KYAT3: variants seen among roughly 807,000 people sequenced by gnomAD.
KYAT3 encodes the protein kynurenine aminotransferase 3.
In KYAT3, 50 loss-of-function variants were observed where a neutral mutation model predicts 59.0. The ratio of observed to expected loss-of-function variants is 0.85; its 90% CI spans 0.68 to 1.07. The LOEUF is 1.07. KYAT3 is among the 50% of genes least tolerant of loss of function. The pLI is 0.00. For missense variants in KYAT3, 497 were observed against 533.3 expected, an observed-to-expected ratio of 0.93 and a Z score of 0.67; for synonymous variants, 148 against 177.0, an observed-to-expected ratio of 0.84 and a Z score of 1.30.
chr1:88,961,101 T>G, intron 8 of KYAT3, 66 bp downstream of exon 8: 1 of 1,569,690 alleles, frequency 6.4e-7, no homozygotes, highest in Non-Finnish European at 8.7e-7. Context: ...TGGGATGCTT[T>G]CCAATCAGTT....
At chr1:88,980,608 T>C (rs1187430611) in intron 2 of KYAT3, 2 of 152,626 alleles carry the variant, frequency 1.3e-5, no homozygotes, top group African/African-American at 4.8e-5. Flanking sequence ...TCTGATTCTT[T>C]TTCCACACGT....
At chr1:88,935,520 G>A (rs1022518510), downstream of KYAT3, among the ~76,000 whole-genome samples, 12 of 152,274 alleles carry the variant, frequency 7.9e-5, 1 homozygote, top group African/African-American at 2.9e-4. Context: ...CCAAGGCAGC[G>A]GTGGCTGAAG....
intron 9 of KYAT3, among the ~76,000 whole-genome samples, 158 bp from the exon 10 acceptor site, chr1:88,953,310 C>T (rs1322816452): frequency 1.3e-5 from 2 of 151,914 alleles, no homozygotes; most frequent in African/African-American, 2.4e-5. Flanking sequence ...TTTGGGAAGC[C>T]GAGGTGGGTG....
chr1:88,936,844 CT>C (rs1220787095), intron 13 of KYAT3, among the ~76,000 whole-genome samples: 1 of 152,178 alleles, frequency 6.6e-6, no homozygotes, highest in African/African-American at 2.4e-5. Context: ...TTCTCTACTT[CT>C]TTTTCTTTGT....
intron 13 of KYAT3, among the ~76,000 whole-genome samples, chr1:88,938,690 C>A (rs1449398882): frequency 6.6e-6 from 1 of 152,178 alleles, no homozygotes; most frequent in East Asian, 1.9e-4. Flanking sequence ...TCCAGCTCCA[C>A]CCATGTTCCT....
the KYAT3 span, among the ~76,000 whole-genome samples, chr1:88,925,020 C>T: frequency 2.0e-5 from 3 of 152,168 alleles, no homozygotes; most frequent in Non-Finnish European, 1.5e-5. Context: ...GAGCAAGGAC[C>T]CCAGGTAACA....
At position 88,936,246 on chromosome 1, in the gene KYAT3, C is replaced by T. The variant is rs770179140; in HGVS notation, c.1303-1G>A. ...CAGCAGCATCCAGTGTGCTGTCTTT[C>T]TGTAAATTAATGAAATAATCATCAT... On this transcript the variant is annotated splice_acceptor_variant, in intron 13 of 13. Coordinates refer to ENST00000260508, the MANE Select transcript of KYAT3 (RefSeq NM_001008661.3). LOFTEE classifies it high-confidence loss of function. The T allele has an allele frequency of 6.3e-7, 1 of 1,599,222 alleles. No homozygotes were observed. Among genetic ancestry groups the T allele is most frequent in the South Asian group, 1.1e-5 (1 of 90,462 alleles).
At chr1:88,956,387 T>C (rs965234703) in intron 8 of KYAT3, among the ~76,000 whole-genome samples, 6 of 152,334 alleles carry the variant, frequency 3.9e-5, no homozygotes, top group Admixed American at 2.0e-4. Flanking sequence ...GGCTGTATAA[T>C]GGTTTTCAAG....
chr1:88,972,775 G>C (rs1362863196), intron 2 of KYAT3, among the ~76,000 whole-genome samples: 9 of 152,184 alleles, frequency 5.9e-5, no homozygotes, highest in Non-Finnish European at 2.9e-5. Context: ...TTATTGGGCA[G>C]AGCAATTTCA....
chr1:88,963,928 C>T (rs772025351), intron 5 of KYAT3, among the ~76,000 whole-genome samples: 2 of 152,182 alleles, frequency 1.3e-5, no homozygotes, highest in Admixed American at 6.5e-5. Context: ...CTCAGCTGGG[C>T]GTGGTGGCTC....
At chr1:88,989,381 G>A (rs1156808442) in intron 1 of KYAT3, among the ~76,000 whole-genome samples, 1 of 152,152 alleles carries the variant, frequency 6.6e-6, no homozygotes, top group African/African-American at 2.4e-5. Flanking sequence ...CTTAAAAAAA[G>A]TTTCTATCTG....
intron 10 of KYAT3, among the ~76,000 whole-genome samples, chr1:88,950,639 T>C (rs1675630593): frequency 6.6e-6 from 1 of 152,202 alleles, no homozygotes; most frequent in Admixed American, 6.5e-5. Context: ...ATCCCATATG[T>C]AACCTATTGA....
Position 88,976,051 on chromosome 1 carries a change from A to G in KYAT3, c.100-6584T>C, listed in dbSNP as rs750833855. 2.7e-5 allele frequency among the ~76,000 whole-genome samples: 4 copies of G among 147,672 alleles called. No homozygotes were observed. The East Asian group carries it at 6.1e-4, about 23-fold the overall frequency. ...TCCATCTCAAGAAAAAAAAAAGAGT[A>G]TATGGAGGTAAAAATTTCTACTTGC... is the stretch of plus-strand genomic sequence containing the variant. On this transcript the variant is annotated intron_variant, in intron 2 of 13. Coordinates refer to ENST00000260508, the MANE Select transcript of KYAT3 (RefSeq NM_001008661.3).
intron 2 of KYAT3, among the ~76,000 whole-genome samples, chr1:88,975,030 A>T (rs1676720677): frequency 6.6e-6 from 1 of 152,088 alleles, no homozygotes; most frequent in Non-Finnish European, 1.5e-5. Context: ...CTTCATAATA[A>T]ATCTTGCTGC....
intron 5 of KYAT3, chr1:88,964,496 T>C: frequency 2.6e-5 from 7 of 264,916 alleles, no homozygotes; most frequent in South Asian, 2.6e-4. Context: ...ATTATATTCA[T>C]ATTAAGTAAA....
At chr1:88,966,279 A>G (rs1293623778) in intron 4 of KYAT3, among the ~76,000 whole-genome samples, 1 of 152,194 alleles carries the variant, frequency 6.6e-6, no homozygotes, top group Non-Finnish European at 1.5e-5. Flanking sequence ...TATTGGGTCC[A>G]TAGGCCATAG....
At chr1:88,988,398 G>A (rs772720998) in intron 1 of KYAT3, 47 bp from the exon 2 acceptor site, 6 of 1,072,594 alleles carry the variant, frequency 5.6e-6, no homozygotes, top group Non-Finnish European at 8.6e-6. Context: ...TATATGATGG[G>A]TACATCACTA....
chr1:88,977,932 AAT>A (rs79350346), intron 2 of KYAT3, among the ~76,000 whole-genome samples: 15,910 of 151,966 alleles, frequency 0.1, 889 homozygotes, highest in Middle Eastern at 0.19. Flanking sequence ...GCCTAGGAGC[AAT>A]AGTCTATGCC....
chr1:88,969,152 G>C (rs1676455661), intron 3 of KYAT3, among the ~76,000 whole-genome samples: 1 of 152,180 alleles, frequency 6.6e-6, no homozygotes, highest in Admixed American at 6.5e-5. Flanking sequence ...CTGGATTGGA[G>C]GTTAAGTTCC....
Sources: gnomAD v4.1 joint callset for allele counts (sites outside exome capture counted in the v4.1 genomes callset) on GRCh38, gnomAD v4.1.1 for gene constraint, MANE v1.5 for transcripts, NCBI Gene and HGNC (gene_info 2026-07-23, HGNC 2026-07-21) for gene names.